DISP1: variants seen among roughly 807,000 people sequenced by gnomAD.
DISP1 encodes the protein dispatched RND transporter family member 1.
A neutral mutation model predicts 37.3 loss-of-function variants in DISP1; 30 were observed. The ratio of observed to expected loss-of-function variants is 0.80; its 90% CI spans 0.60 to 1.09. The LOEUF is 1.09. Among genes scored for constraint, DISP1 ranks in the 50% least tolerant of loss-of-function variants. The pLI, the probability that DISP1 is intolerant of heterozygous loss-of-function variation, is 0.00. For missense variants in DISP1, 1,598 were observed against 1,879.5 expected, an observed-to-expected ratio of 0.85 and a Z score of 2.77; for synonymous variants, 634 against 690.2, an observed-to-expected ratio of 0.92 and a Z score of 1.28.
intron 1 of DISP1, among the ~76,000 whole-genome samples, chr1:222,851,733 T>G (rs907265438): frequency 6.6e-6 from 1 of 152,146 alleles, no homozygotes; most frequent in African/African-American, 2.4e-5. Flanking sequence ...TTTCAAATAT[T>G]CATAACAAAT....
At chr1:222,876,613 T>A (rs1334605914) in intron 1 of DISP1, among the ~76,000 whole-genome samples, 1 of 152,228 alleles carries the variant, frequency 6.6e-6, no homozygotes, top group East Asian at 1.9e-4. Flanking sequence ...TGTGTATGAA[T>A]ATAAATTTCA....
intron 1 of DISP1, among the ~76,000 whole-genome samples, chr1:222,885,080 G>A (rs1377774141): frequency 1.3e-5 from 2 of 152,010 alleles, no homozygotes; most frequent in Admixed American, 6.5e-5. Context: ...CGCCCGCCTC[G>A]GCCTCCCAAA....
At chr1:222,863,959 C>G (rs927987018) in intron 1 of DISP1, among the ~76,000 whole-genome samples, 12 of 152,110 alleles carry the variant, frequency 7.9e-5, no homozygotes, top group Admixed American at 7.9e-4. Context: ...GCCCTGTTTC[C>G]TTTTAATGGA....
At chr1:222,971,727 G>A (rs1441061124) in intron 3 of DISP1, among the ~76,000 whole-genome samples, 1 of 152,064 alleles carries the variant, frequency 6.6e-6, no homozygotes, top group Non-Finnish European at 1.5e-5. Context: ...GCAAATTTGA[G>A]ATGGGATCTT....
At chr1:222,855,627 C>T (rs1433562583) in intron 1 of DISP1, among the ~76,000 whole-genome samples, 1 of 152,108 alleles carries the variant, frequency 6.6e-6, no homozygotes, top group African/African-American at 2.4e-5. Context: ...CACAGTTAAT[C>T]TTATTTGGTT....
At chr1:222,938,689 C>T (rs1326124505) in intron 2 of DISP1, among the ~76,000 whole-genome samples, 2 of 142,774 alleles carry the variant, frequency 1.4e-5, no homozygotes, top group Admixed American at 7.4e-5. Flanking sequence ...GCCATGATCG[C>T]ACCAGTGCAC....
chr1:222,868,313 T>C (rs1669315951), intron 1 of DISP1, among the ~76,000 whole-genome samples: 1 of 152,006 alleles, frequency 6.6e-6, no homozygotes. Flanking sequence ...ATATGTGTTA[T>C]CCAATGAAAA....
At chr1:222,861,638 A>G (rs1418622876) in intron 1 of DISP1, among the ~76,000 whole-genome samples, 1 of 152,158 alleles carries the variant, frequency 6.6e-6, no homozygotes, top group Non-Finnish European at 1.5e-5. Context: ...AAGGCCCTCT[A>G]CCTCACAAAC....
intron 3 of DISP1, among the ~76,000 whole-genome samples, chr1:222,969,723 TTTCTA>T (rs1676799664): frequency 6.6e-6 from 1 of 152,002 alleles, no homozygotes; most frequent in African/African-American, 2.4e-5. Flanking sequence ...TTATATTTAA[TTTCTA>T]TATTTAGGCA....
chr1:222,866,785 A>G (rs1669217967), intron 1 of DISP1, among the ~76,000 whole-genome samples: 1 of 152,212 alleles, frequency 6.6e-6, no homozygotes, highest in African/African-American at 2.4e-5. Context: ...CTCCTTTCCT[A>G]TACATTTGCA....
intron 1 of DISP1, among the ~76,000 whole-genome samples, chr1:222,868,038 A>G (rs1043504237): frequency 1.3e-5 from 2 of 152,122 alleles, no homozygotes; most frequent in African/African-American, 4.8e-5. Flanking sequence ...GATTAGGAGG[A>G]TACTAAATTA....
chr1:222,850,975 G>A (rs764110720), intron 1 of DISP1, among the ~76,000 whole-genome samples: 2 of 151,932 alleles, frequency 1.3e-5, no homozygotes, highest in Admixed American at 6.6e-5. Flanking sequence ...CTGCCACAGG[G>A]GCTGTTAACC....
At chr1:222,929,706 A>T (rs1673280694) in intron 2 of DISP1, among the ~76,000 whole-genome samples, 1 of 152,014 alleles carries the variant, frequency 6.6e-6, no homozygotes, top group Admixed American at 6.6e-5. Flanking sequence ...CATGGTTTTA[A>T]TATCTGGCGA....
intron 1 of DISP1, among the ~76,000 whole-genome samples, chr1:222,906,985 T>C (rs1256281230): frequency 6.6e-6 from 1 of 152,222 alleles, no homozygotes; most frequent in Non-Finnish European, 1.5e-5. Context: ...TTGACCTTGG[T>C]CTTTTTTCAC....
At chr1:222,951,231 GTATAATTTT>G (rs1488747039) in intron 3 of DISP1, among the ~76,000 whole-genome samples, 1 of 152,038 alleles carries the variant, frequency 6.6e-6, no homozygotes, top group Non-Finnish European at 1.5e-5. Context: ...TGTTATGACT[GTATAATTTT>G]TATAACTTAC....
chr1:222,985,995 AAG>A (rs1449030215), intron 4 of DISP1, among the ~76,000 whole-genome samples: 1 of 152,356 alleles, frequency 6.6e-6, no homozygotes, highest in East Asian at 1.9e-4. Context: ...AGGAATAAGA[AAG>A]AGTTATTAAG....
At chr1:222,942,101 A>G (rs941564378) in intron 2 of DISP1, among the ~76,000 whole-genome samples, 2 of 142,058 alleles carry the variant, frequency 1.4e-5, no homozygotes, top group African/African-American at 5.1e-5. Flanking sequence ...TGGTGGAAGG[A>G]AAAAAAAAAG....
At chr1:222,917,655 G>T (rs987830157) in intron 1 of DISP1, among the ~76,000 whole-genome samples, 1 of 152,180 alleles carries the variant, frequency 6.6e-6, no homozygotes, top group African/African-American at 2.4e-5. Context: ...CCTATCAAGG[G>T]TGGTGAACAG....
At chr1:222,965,305 A>G (rs1376203171) in intron 3 of DISP1, among the ~76,000 whole-genome samples, 2 of 152,178 alleles carry the variant, frequency 1.3e-5, no homozygotes, top group African/African-American at 4.8e-5. Flanking sequence ...ATATTGTAAT[A>G]TATGTCAAGT....
Sources: gnomAD v4.1 joint callset for allele counts (sites outside exome capture counted in the v4.1 genomes callset) on GRCh38, gnomAD v4.1.1 for gene constraint, MANE v1.5 for transcripts, NCBI Gene and HGNC (gene_info 2026-07-23, HGNC 2026-07-21) for gene names.